Variants in TBPL1 observed in about 807,000 individuals in gnomAD.
TBPL1 encodes TATA box-binding protein-like 1.
Under a neutral mutation model 22.1 loss-of-function variants are expected in TBPL1, and 4 were observed. That is an observed-to-expected ratio of 0.18 (90% CI 0.09 to 0.41). The LOEUF (loss-of-function observed/expected upper bound fraction) is 0.41, where lower values mean the gene tolerates loss of function less well. TBPL1 is among the 10% of genes least tolerant of loss of function. The pLI is 1.00. For missense variants in TBPL1, 115 were observed against 222.3 expected, an observed-to-expected ratio of 0.52 and a Z score of 3.07; for synonymous variants, 64 against 71.0, an observed-to-expected ratio of 0.90 and a Z score of 0.50.
intron 1 of TBPL1, among the ~76,000 whole-genome samples, chr6:133,966,772 A>G (rs76134703): frequency 7.3e-5 from 11 of 151,710 alleles, no homozygotes; most frequent in South Asian, 2.1e-4. Flanking sequence ...TGTTCACTCT[A>G]TCTCTTAAAA....
At chr6:133,965,531 C>T (rs1776103832) in intron 1 of TBPL1, among the ~76,000 whole-genome samples, 1 of 152,006 alleles carries the variant, frequency 6.6e-6, no homozygotes, top group South Asian at 2.1e-4. Context: ...CCACTCCCCT[C>T]AGCACCACCA....
At chr6:133,980,673 C>A (rs1216247771) in intron 2 of TBPL1, among the ~76,000 whole-genome samples, 1 of 151,452 alleles carries the variant, frequency 6.6e-6, no homozygotes, top group Non-Finnish European at 1.5e-5. Flanking sequence ...TCTTTCATAA[C>A]AAACTGCTGA....
At chr6:133,969,400 TGC>T (rs1776179870) in intron 1 of TBPL1, among the ~76,000 whole-genome samples, 1 of 152,178 alleles carries the variant, frequency 6.6e-6, no homozygotes, top group Non-Finnish European at 1.5e-5. Context: ...TTCACATGAA[TGC>T]TACCTGCTTA....
intron 1 of TBPL1, among the ~76,000 whole-genome samples, chr6:133,969,684 G>C (rs1776184887): frequency 6.6e-6 from 1 of 152,084 alleles, no homozygotes; most frequent in Non-Finnish European, 1.5e-5. Flanking sequence ...CCTGTGGACT[G>C]ACTCCTAAAA....
intron 1 of TBPL1, among the ~76,000 whole-genome samples, chr6:133,960,727 C>T (rs1386009209): frequency 2.0e-5 from 3 of 152,124 alleles, no homozygotes; most frequent in Non-Finnish European, 4.4e-5. Flanking sequence ...TTAACTTTAA[C>T]TGAATGGTTG....
intron 1 of TBPL1, among the ~76,000 whole-genome samples, chr6:133,956,821 C>A (rs1403721632): frequency 6.6e-6 from 1 of 152,286 alleles, no homozygotes; most frequent in East Asian, 1.9e-4. Flanking sequence ...TGGTGGACTG[C>A]CTTCACTTGA....
At chr6:133,976,202 G>GT (rs998570889) in intron 1 of TBPL1, among the ~76,000 whole-genome samples, 13 of 151,398 alleles carry the variant, frequency 8.6e-5, no homozygotes, top group South Asian at 4.2e-4. Context: ...CTTGCTAACA[G>GT]TTTTTTTTTC....
chr6:133,971,605 TG>T (rs1342127445), intron 1 of TBPL1, among the ~76,000 whole-genome samples: 1 of 151,984 alleles, frequency 6.6e-6, no homozygotes, highest in Non-Finnish European at 1.5e-5. Flanking sequence ...TGTTGTTGTT[TG>T]TTTTTTTATA....
At chr6:133,983,651 C>A (rs375086089) in intron 4 of TBPL1, among the ~76,000 whole-genome samples, 23 of 152,098 alleles carry the variant, frequency 1.5e-4, no homozygotes, top group African/African-American at 5.3e-4. Context: ...CCTGGCTTTG[C>A]GCAACTGCTG....
At chr6:133,986,874 GA>G (rs1776535486) in intron 6 of TBPL1, 86 bp from the exon 7 acceptor site, 2 of 887,940 alleles carry the variant, frequency 2.3e-6, no homozygotes, top group Admixed American at 5.5e-5. Context: ...TATACCACTT[GA>G]ATATTTTTAA....
At chr6:133,975,230 G>A (rs1776293470) in intron 1 of TBPL1, among the ~76,000 whole-genome samples, 1 of 152,074 alleles carries the variant, frequency 6.6e-6, no homozygotes, top group Non-Finnish European at 1.5e-5. Flanking sequence ...TGAAAAAAGG[G>A]TAAGTAGGCT....
In TBPL1 at chr6:133,953,601, G is replaced by A. The variant is rs752813749; in HGVS notation, c.-45+176G>A. Among the ~76,000 whole-genome samples, 135 of 152,212 alleles carry A rather than the reference G, an allele frequency of 8.9e-4. 1 individual carries two copies. Among genetic ancestry groups the A allele is most frequent in the Non-Finnish European group, 1.4e-3 (95 of 68,006 alleles). On this transcript the variant is annotated intron_variant, in intron 1 of 6. Coordinates refer to ENST00000237264, the MANE Select transcript of TBPL1 (RefSeq NM_004865.4). ...CCGCTGAGGTGGGGGAAACCGGTCCGGTGGCCGAGGGAGGGCTCAGTTCTG... is the reference window on the plus strand; with the variant it reads ...CCGCTGAGGTGGGGGAAACCGGTCCAGTGGCCGAGGGAGGGCTCAGTTCTG...
chr6:133,981,543 T>G (rs1562666524), intron 2 of TBPL1, among the ~76,000 whole-genome samples: 1 of 152,208 alleles, frequency 6.6e-6, no homozygotes, highest in African/African-American at 2.4e-5. Context: ...GACAATTAAA[T>G]GTAGGATAAA....
intron 2 of TBPL1, among the ~76,000 whole-genome samples, chr6:133,981,129 C>T (rs971049537): frequency 8.6e-5 from 13 of 151,994 alleles, no homozygotes; most frequent in Admixed American, 3.9e-4. Flanking sequence ...CACACCACCA[C>T]GCTCAGCTAA....
At chr6:133,984,855 C>T in intron 6 of TBPL1, 184 bp downstream of exon 6, 1 of 545,678 alleles carries the variant, frequency 1.8e-6, no homozygotes, top group Non-Finnish European at 3.3e-6. Context: ...ATAAATGTTA[C>T]ACTTACTATT....
At chr6:133,969,241 A>G (rs995440027) in intron 1 of TBPL1, among the ~76,000 whole-genome samples, 2 of 149,948 alleles carry the variant, frequency 1.3e-5, no homozygotes, top group African/African-American at 4.9e-5. Flanking sequence ...TGACTGAACC[A>G]TAAAATACAC....
At chr6:133,965,679 C>CA in intron 1 of TBPL1, among the ~76,000 whole-genome samples, 1 of 151,860 alleles carries the variant, frequency 6.6e-6, no homozygotes, top group East Asian at 1.9e-4. Context: ...ACAGATACAT[C>CA]AAAGTTGTAT....
chr6:133,972,184 A>G (rs1583819390), intron 1 of TBPL1, among the ~76,000 whole-genome samples: 1 of 152,172 alleles, frequency 6.6e-6, no homozygotes, highest in South Asian at 2.1e-4. Flanking sequence ...CATTCCCCCA[A>G]GTATTTGAGT....
intron 1 of TBPL1, among the ~76,000 whole-genome samples, chr6:133,969,394 C>G (rs1422980257): frequency 6.6e-6 from 1 of 151,172 alleles, no homozygotes; most frequent in Non-Finnish European, 1.5e-5. Flanking sequence ...AAATTATTCA[C>G]ATGAATGCTA....
Sources: allele counts gnomAD v4.1 joint callset (sites outside exome capture counted in the v4.1 genomes callset), GRCh38; gene constraint gnomAD v4.1.1; transcripts MANE v1.5; gene names NCBI Gene and HGNC (gene_info 2026-07-23, HGNC 2026-07-21).